Variants in SHANK2 observed in about 807,000 individuals in gnomAD.
The protein encoded by SHANK2 is SH3 and multiple ankyrin repeat domains 2, also known as SH3 and multiple ankyrin repeat domains protein 2.
Under a neutral mutation model 133.7 loss-of-function variants are expected in SHANK2, and 43 were observed. That is an observed-to-expected ratio of 0.32 (90% CI 0.25 to 0.41). The LOEUF (loss-of-function observed/expected upper bound fraction) is 0.41, where lower values mean the gene tolerates loss of function less well. SHANK2 is among the 10% of genes least tolerant of loss of function. The pLI, the probability that SHANK2 is intolerant of heterozygous loss-of-function variation, is 1.00. For missense variants in SHANK2, 1,994 were observed against 2,235.8 expected (o/e 0.89, Z 2.18); for synonymous variants, 1,017 against 952.8 (o/e 1.07, Z -1.24).
At chr11:71,086,994 T>C (rs1189426636) in intron 8 of SHANK2, among the ~76,000 whole-genome samples, 2 of 152,224 alleles carry the variant, frequency 1.3e-5, no homozygotes, top group African/African-American at 4.8e-5. Context: ...TGAACGCACC[T>C]GGCTGGCTTT....
intron 14 of SHANK2, among the ~76,000 whole-genome samples, chr11:70,722,486 T>A (rs1946092956): frequency 6.6e-6 from 1 of 152,212 alleles, no homozygotes; most frequent in African/African-American, 2.4e-5. Context: ...TCCCCTCTGT[T>A]TGAAATACCT....
At chr11:70,873,734 A>G (rs914487675) in intron 11 of SHANK2, among the ~76,000 whole-genome samples, 1 of 146,408 alleles carries the variant, frequency 6.8e-6, no homozygotes, top group Non-Finnish European at 1.5e-5. Context: ...TGCTTCCTCC[A>G]TTTACCATTT....
intron 14 of SHANK2, among the ~76,000 whole-genome samples, chr11:70,700,335 G>A (rs1945491951): frequency 6.6e-6 from 1 of 152,252 alleles, no homozygotes; most frequent in South Asian, 2.1e-4. Context: ...ACCACCCAGG[G>A]AGTGGGGCAC....
intron 14 of SHANK2, among the ~76,000 whole-genome samples, chr11:70,761,418 C>T (rs1321813572): frequency 3.3e-5 from 5 of 152,242 alleles, no homozygotes; most frequent in African/African-American, 9.6e-5. Context: ...GCCCCAGTCT[C>T]GATTGTGTTT....
intron 11 of SHANK2, among the ~76,000 whole-genome samples, chr11:70,852,167 C>T (rs1045595436): frequency 1.3e-5 from 2 of 152,224 alleles, no homozygotes; most frequent in East Asian, 1.9e-4. Context: ...ACATGACACA[C>T]GGCCCACCTG....
chr11:70,594,594 T>C (rs1646707412), intron 17 of SHANK2, among the ~76,000 whole-genome samples: 1 of 152,134 alleles, frequency 6.6e-6, no homozygotes, highest in African/African-American at 2.4e-5. Context: ...GTTGCCAGGC[T>C]GAGGGCGGGC....
At chr11:70,931,947 AACAAATATTTT>A (rs1950510207) in intron 10 of SHANK2, among the ~76,000 whole-genome samples, 3 of 152,246 alleles carry the variant, frequency 2.0e-5, no homozygotes, top group Non-Finnish European at 4.4e-5. Context: ...AAATTAGCAT[AACAAATATTTT>A]TTTAAGAAAC....
chr11:70,688,060 A>G (rs1555020077), intron 15 of SHANK2, among the ~76,000 whole-genome samples: 1 of 152,118 alleles, frequency 6.6e-6, no homozygotes, highest in Non-Finnish European at 1.5e-5. Context: ...GCCTGGCCCC[A>G]CAGAAAAGGC....
intron 2 of SHANK2, among the ~76,000 whole-genome samples, chr11:71,218,053 T>C (rs1230903193): frequency 6.6e-6 from 1 of 151,902 alleles, no homozygotes; most frequent in Non-Finnish European, 1.5e-5. Context: ...GGTTTCACCG[T>C]GTTAGCCAGG....
chr11:71,136,460 G>T (rs1183202283), intron 3 of SHANK2, among the ~76,000 whole-genome samples: 2 of 152,208 alleles, frequency 1.3e-5, no homozygotes, highest in Non-Finnish European at 2.9e-5. Context: ...AATGCAGAGC[G>T]TGGAATGATG....
At chr11:70,582,133 G>A (rs2060192839) in intron 17 of SHANK2, among the ~76,000 whole-genome samples, 1 of 152,238 alleles carries the variant, frequency 6.6e-6, no homozygotes, top group African/African-American at 2.4e-5. Flanking sequence ...ACCCAGGGCG[G>A]AGAGTCCAAG....
intron 2 of SHANK2, among the ~76,000 whole-genome samples, chr11:71,168,607 G>GTTAGGAGCTGGCGGATCACTCA (rs1953240180): frequency 6.6e-6 from 1 of 151,952 alleles, no homozygotes; most frequent in Non-Finnish European, 1.5e-5. Context: ...CGGATCACTC[G>GTTAGGAGCTGGCGGATCACTCA]CAGTTAGGAG....
chr11:70,650,455 G>A (rs1240730409), intron 17 of SHANK2, among the ~76,000 whole-genome samples: 1 of 152,180 alleles, frequency 6.6e-6, no homozygotes, highest in South Asian at 2.1e-4. Context: ...ACCCTGCAGA[G>A]AGCCAGTGCC....
At chr11:70,664,783 CA>C (rs1189258682) in intron 15 of SHANK2, among the ~76,000 whole-genome samples, 1 of 152,214 alleles carries the variant, frequency 6.6e-6, no homozygotes, top group Non-Finnish European at 1.5e-5. Context: ...AGGGCAGGGG[CA>C]TTCCAGTGTG....
At chr11:70,948,469 TG>T in intron 10 of SHANK2, 1 of 437,542 alleles carries the variant, frequency 2.3e-6, no homozygotes, top group South Asian at 1.6e-5. Context: ...AGCCACACTT[TG>T]GGTTACCCAG....
At chr11:70,823,984 G>A (rs1948597588) in intron 11 of SHANK2, among the ~76,000 whole-genome samples, 1 of 150,664 alleles carries the variant, frequency 6.6e-6, no homozygotes, top group Non-Finnish European at 1.5e-5. Flanking sequence ...AAGGACAGAG[G>A]TGGTGCTGGC....
chr11:71,074,170 G>A (rs1463154237), intron 9 of SHANK2, among the ~76,000 whole-genome samples: 1 of 152,196 alleles, frequency 6.6e-6, no homozygotes, highest in African/African-American at 2.4e-5. Flanking sequence ...GACCTGAGAT[G>A]CCCCCTGCAA....
chr11:70,863,783 A>G (rs782019068), intron 11 of SHANK2: 20 of 457,060 alleles, frequency 4.4e-5, no homozygotes, highest in Middle Eastern at 3.2e-4. Context: ...GTCCTCATCC[A>G]ACAGGAGAGG....
chr11:71,078,862 T>C (rs1951254827), intron 8 of SHANK2, among the ~76,000 whole-genome samples: 1 of 152,272 alleles, frequency 6.6e-6, no homozygotes, highest in South Asian at 2.1e-4. Context: ...TTGGGTACAC[T>C]GCCTCTGGGG....
Sources: allele counts gnomAD v4.1 joint callset (sites outside exome capture counted in the v4.1 genomes callset), GRCh38; gene constraint gnomAD v4.1.1; transcripts MANE v1.5; gene names NCBI Gene and HGNC (gene_info 2026-07-23, HGNC 2026-07-21).